Variants in SLC25A26 observed in about 807,000 individuals in gnomAD.
The protein encoded by SLC25A26 is solute carrier family 25 member 26, also known as mitochondrial S-adenosylmethionine carrier protein.
A neutral mutation model predicts 37.8 loss-of-function variants in SLC25A26; 36 were observed. The observed-to-expected ratio is 0.95, with a 90% CI of 0.73 to 1.26. The LOEUF is 1.26. Ranked by LOEUF, SLC25A26 falls within the 50% of genes most tolerant of loss-of-function variation. SLC25A26 has a pLI of 0.00. For missense variants in SLC25A26, 390 were observed against 331.1 expected, an observed-to-expected ratio of 1.18 and a Z score of -1.38; for synonymous variants, 129 against 122.5, an observed-to-expected ratio of 1.05 and a Z score of -0.35.
At chr3:66,359,141 G>C (rs1048099444) in intron 6 of SLC25A26, among the ~76,000 whole-genome samples, 1 of 152,190 alleles carries the variant, frequency 6.6e-6, no homozygotes, top group Non-Finnish European at 1.5e-5. Context: ...TGGAGATTCT[G>C]TTTTTAAATG....
chr3:66,363,933 T>TA (rs1301726482), intron 7 of SLC25A26, among the ~76,000 whole-genome samples: 5 of 151,792 alleles, frequency 3.3e-5, no homozygotes, highest in Admixed American at 6.6e-5. Flanking sequence ...ACATGACACA[T>TA]AGTCATTAGC....
chr3:66,217,900 C>T (rs1168995022), upstream of SLC25A26, among the ~76,000 whole-genome samples: 16 of 152,094 alleles, frequency 1.1e-4, no homozygotes, highest in African/African-American at 3.6e-4. Flanking sequence ...CAAGTCAATG[C>T]GTTTTAGTAA....
chr3:66,302,615 A>G (rs2075108908), intron 5 of SLC25A26, among the ~76,000 whole-genome samples: 1 of 152,202 alleles, frequency 6.6e-6, no homozygotes, highest in Admixed American at 6.5e-5. Flanking sequence ...CTTTGCTGAT[A>G]GGTCACCAGA....
Position 66,195,620 on chromosome 3 carries a change from G to A in SLC25A26, c.-353-25122G>A, listed in dbSNP as rs968059902. ...GCTGATGGGTGGTGCTGCCGAGCGAGGAGCGCACGCGCTCGGCGTCTCCAT... is the reference window on the plus strand; with the variant it reads ...GCTGATGGGTGGTGCTGCCGAGCGAAGAGCGCACGCGCTCGGCGTCTCCAT... On this transcript the variant is annotated intron_variant, in intron 1 of 10. Coordinates refer to the SLC25A26 transcript ENST00000676754. Among the ~76,000 whole-genome samples, 5 of 152,338 alleles carry A rather than the reference G, an allele frequency of 3.3e-5. No homozygotes were observed. In the South Asian group the frequency reaches 6.2e-4, roughly 19 times the overall value.
chr3:66,144,154 A>G (rs937553280), intron 1 of SLC25A26, among the ~76,000 whole-genome samples: 9 of 152,112 alleles, frequency 5.9e-5, no homozygotes, highest in African/African-American at 1.9e-4. Flanking sequence ...TGAGACCTGA[A>G]TGATAACAAG....
At chr3:66,250,833 A>T (rs1223796411) in intron 3 of SLC25A26, among the ~76,000 whole-genome samples, 1 of 152,114 alleles carries the variant, frequency 6.6e-6, no homozygotes, top group African/African-American at 2.4e-5. Context: ...TTAATTCATT[A>T]AAAAAATTGT....
chr3:66,313,151 T>G (rs1283518635), intron 5 of SLC25A26, among the ~76,000 whole-genome samples: 1 of 152,194 alleles, frequency 6.6e-6, no homozygotes, highest in African/African-American at 2.4e-5. Flanking sequence ...TTTATCAATT[T>G]TTGCTTTTGT....
At chr3:66,255,571 G>A (rs2073267464) in intron 3 of SLC25A26, among the ~76,000 whole-genome samples, 1 of 150,010 alleles carries the variant, frequency 6.7e-6, no homozygotes, top group South Asian at 2.1e-4. Context: ...AAACATTCTT[G>A]GATTTAGTGA....
chr3:66,216,592 T>G (rs1477544699), upstream of SLC25A26, among the ~76,000 whole-genome samples: 10 of 151,958 alleles, frequency 6.6e-5, no homozygotes, highest in African/African-American at 2.4e-4. Flanking sequence ...TAGTCCTGGT[T>G]GAAGATTATG....
intron 5 of SLC25A26, among the ~76,000 whole-genome samples, chr3:66,282,388 C>T (rs887313314): frequency 2.0e-5 from 3 of 152,146 alleles, no homozygotes; most frequent in Admixed American, 6.5e-5. Flanking sequence ...TCAAGGGAGT[C>T]GCCCACCTTG....
chr3:66,178,775 G>A (rs1004039173), intron 1 of SLC25A26, among the ~76,000 whole-genome samples: 11 of 152,060 alleles, frequency 7.2e-5, no homozygotes, highest in South Asian at 2.1e-4. Flanking sequence ...ATTTTTAAAC[G>A]CCAGCAAGTA....
intron 1 of SLC25A26, among the ~76,000 whole-genome samples, chr3:66,144,497 A>C (rs899085402): frequency 6.6e-6 from 1 of 152,190 alleles, no homozygotes; most frequent in African/African-American, 2.4e-5. Context: ...TTTATTTTGC[A>C]TCAACTGAGA....
chr3:66,230,371 T>A (rs2071954968), intron 1 of SLC25A26, among the ~76,000 whole-genome samples: 5 of 152,094 alleles, frequency 3.3e-5, no homozygotes, highest in Admixed American at 2.6e-4. Flanking sequence ...TGGGAAAGGC[T>A]TTATGAGGAA....
chr3:66,266,344 T>C (rs895623990), intron 5 of SLC25A26, among the ~76,000 whole-genome samples: 16 of 152,246 alleles, frequency 1.1e-4, no homozygotes, highest in African/African-American at 3.9e-4. Context: ...TACTTTATTC[T>C]GGCACCAATA....
chr3:66,146,642 A>G (rs2106679520), intron 1 of SLC25A26, among the ~76,000 whole-genome samples: 1 of 152,304 alleles, frequency 6.6e-6, no homozygotes, highest in Non-Finnish European at 1.5e-5. Flanking sequence ...AGTTCTAATT[A>G]ATGGGTCAAA....
At chr3:66,135,666 C>G (rs1221563879) in intron 1 of SLC25A26, among the ~76,000 whole-genome samples, 2 of 152,018 alleles carry the variant, frequency 1.3e-5, no homozygotes, top group East Asian at 3.9e-4. Context: ...ACTTGGGAGG[C>G]TAAAGTGGGA....
intron 1 of SLC25A26, among the ~76,000 whole-genome samples, chr3:66,156,053 G>A (rs975930704): frequency 6.6e-6 from 1 of 152,134 alleles, no homozygotes; most frequent in Non-Finnish European, 1.5e-5. Context: ...GAGATAGGGA[G>A]GTCCTCTGAT....
chr3:66,320,009 G>A (rs1284278357), intron 5 of SLC25A26, among the ~76,000 whole-genome samples: 3 of 152,120 alleles, frequency 2.0e-5, no homozygotes, highest in South Asian at 4.2e-4. Flanking sequence ...GCCTCCCAAA[G>A]TGCTGGAAAG....
At chr3:66,371,188 G>A in intron 9 of SLC25A26, 1 of 1,475,932 alleles carries the variant, frequency 6.8e-7, no homozygotes, top group Non-Finnish European at 9.0e-7. Context: ...GTGAAATGAT[G>A]ATTTTTCTCT....
Sources: gnomAD v4.1 joint callset for allele counts (sites outside exome capture counted in the v4.1 genomes callset) on GRCh38, gnomAD v4.1.1 for gene constraint, MANE v1.5 for transcripts, NCBI Gene and HGNC (gene_info 2026-07-23, HGNC 2026-07-21) for gene names.